AFF3: variants seen among roughly 807,000 people sequenced by gnomAD.
AFF3 encodes ALF transcription elongation factor 3, also known as AF4/FMR2 family member 3.
In AFF3, 32 loss-of-function variants were observed where a neutral mutation model predicts 129.7. The observed-to-expected ratio is 0.25, with a 90% CI of 0.19 to 0.33. AFF3 has a LOEUF of 0.33. Ranked by LOEUF, AFF3 falls within the 10% of genes least tolerant of loss-of-function variation. AFF3 has a pLI of 1.00. For missense variants in AFF3, 1,373 were observed against 1,592.0 expected (o/e 0.86, Z 2.34); for synonymous variants, 644 against 635.4 (o/e 1.01, Z -0.20).
chr2:99,858,975 ACC>A (rs1690759624), intron 7 of AFF3, among the ~76,000 whole-genome samples: 4 of 152,216 alleles, frequency 2.6e-5, no homozygotes, highest in Non-Finnish European at 5.9e-5. Context: ...GTAATAGCTG[ACC>A]GATACACCTG....
At chr2:99,740,058 C>T (rs1383622697) in intron 10 of AFF3, among the ~76,000 whole-genome samples, 25 of 148,294 alleles carry the variant, frequency 1.7e-4, no homozygotes, top group Admixed American at 1.4e-4. Flanking sequence ...TGAGAATATG[C>T]GGTGTTTGGT....
At chr2:99,930,410 C>T (rs923694033) in intron 7 of AFF3, among the ~76,000 whole-genome samples, 1 of 152,098 alleles carries the variant, frequency 6.6e-6, no homozygotes, top group African/African-American at 2.4e-5. Flanking sequence ...CAGACAGAAC[C>T]CTGACACCAG....
intron 7 of AFF3, among the ~76,000 whole-genome samples, chr2:99,896,387 C>G (rs1324441971): frequency 1.3e-5 from 2 of 152,098 alleles, no homozygotes; most frequent in Non-Finnish European, 2.9e-5. Flanking sequence ...GAAAGCCATC[C>G]TGACCCACTC....
chr2:100,071,797 C>G (rs1428867283), intron 4 of AFF3, among the ~76,000 whole-genome samples: 1 of 152,158 alleles, frequency 6.6e-6, no homozygotes, highest in African/African-American at 2.4e-5. Context: ...TGTTTCTCCT[C>G]CGTGAATCAA....
chr2:99,655,994 C>T (rs1043593666), intron 12 of AFF3, among the ~76,000 whole-genome samples: 1 of 152,114 alleles, frequency 6.6e-6, no homozygotes, highest in Admixed American at 6.5e-5. Context: ...AGGTTTCTGG[C>T]TTGGGCACCT....
At chr2:100,022,375 C>T (rs954721309) in intron 4 of AFF3, among the ~76,000 whole-genome samples, 3 of 152,112 alleles carry the variant, frequency 2.0e-5, no homozygotes, top group African/African-American at 7.2e-5. Context: ...TTCCTCTTAC[C>T]TTAAAATGTT....
At chr2:99,624,340 G>A (rs889198022) in intron 13 of AFF3, among the ~76,000 whole-genome samples, 3 of 152,138 alleles carry the variant, frequency 2.0e-5, no homozygotes, top group African/African-American at 7.2e-5. Context: ...ATAAGCTGGA[G>A]TCCCATGTAA....
chr2:99,987,701 C>G (rs530702242), intron 7 of AFF3, among the ~76,000 whole-genome samples: 1 of 152,326 alleles, frequency 6.6e-6, no homozygotes, highest in South Asian at 2.1e-4. Flanking sequence ...TACCTATCAT[C>G]TGCTACCCCA....
chr2:99,563,569 G>C (rs1342719018), intron 20 of AFF3, among the ~76,000 whole-genome samples: 1 of 151,296 alleles, frequency 6.6e-6, no homozygotes, highest in Non-Finnish European at 1.5e-5. Context: ...TCAGCACTTT[G>C]GGAGGCCGAA....
chr2:100,002,881 TG>T (rs1681559012), intron 7 of AFF3, among the ~76,000 whole-genome samples: 1 of 152,240 alleles, frequency 6.6e-6, no homozygotes, highest in Admixed American at 6.5e-5. Context: ...TGGCTCTGCA[TG>T]TTAGGTTTTT....
chr2:99,576,366 T>A (rs1322724042), intron 18 of AFF3, among the ~76,000 whole-genome samples: 5 of 145,404 alleles, frequency 3.4e-5, no homozygotes, highest in Non-Finnish European at 6.0e-5. Flanking sequence ...AAAAAAAAAA[T>A]TTAACTGGGT....
intron 7 of AFF3, among the ~76,000 whole-genome samples, chr2:99,923,879 T>C (rs1696039243): frequency 6.6e-6 from 1 of 151,982 alleles, no homozygotes; most frequent in African/African-American, 2.4e-5. Flanking sequence ...ATTATTACAA[T>C]TAAAATTAAA....
chr2:99,857,480 T>A (rs1444996465), intron 7 of AFF3, among the ~76,000 whole-genome samples: 1 of 152,244 alleles, frequency 6.6e-6, no homozygotes, highest in African/African-American at 2.4e-5. Context: ...TCACTGTATT[T>A]GCTTTACGTC....
chr2:99,966,839 T>C (rs903185230), intron 7 of AFF3, among the ~76,000 whole-genome samples: 2 of 151,914 alleles, frequency 1.3e-5, no homozygotes, highest in Non-Finnish European at 2.9e-5. Context: ...TTGATTCTGA[T>C]TTAAATAATT....
At chr2:100,038,258 G>A (rs185160212) in intron 4 of AFF3, among the ~76,000 whole-genome samples, 3 of 152,028 alleles carry the variant, frequency 2.0e-5, no homozygotes, top group East Asian at 1.9e-4. Context: ...TAAAGTCGCT[G>A]TCTGGTCTTA....
At chr2:99,830,436 C>G (rs1266250122) in intron 8 of AFF3, among the ~76,000 whole-genome samples, 4 of 152,188 alleles carry the variant, frequency 2.6e-5, no homozygotes, top group African/African-American at 7.2e-5. Context: ...GTAAGGAGCA[C>G]CTCCTCCTGC....
chr2:99,898,424 G>T (rs938410221), intron 7 of AFF3, among the ~76,000 whole-genome samples: 1 of 152,142 alleles, frequency 6.6e-6, no homozygotes, highest in Non-Finnish European at 1.5e-5. Context: ...TCCTTGCCCT[G>T]CTGCCAGGCT....
intron 7 of AFF3, chr2:100,006,092 T>C (rs527293502): frequency 6.6e-6 from 1 of 152,538 alleles, no homozygotes; most frequent in Non-Finnish European, 1.5e-5. Flanking sequence ...ATTTGAATAG[T>C]TCACCATATT....
At chr2:100,063,556 AG>A (rs1342778788) in intron 4 of AFF3, among the ~76,000 whole-genome samples, 38 of 152,288 alleles carry the variant, frequency 2.5e-4, no homozygotes, top group Middle Eastern at 3.4e-3. Context: ...GTGAATTGGA[AG>A]GAAGAAATGA....
Sources: allele counts gnomAD v4.1 joint callset (sites outside exome capture counted in the v4.1 genomes callset), GRCh38; gene constraint gnomAD v4.1.1; transcripts MANE v1.5; gene names NCBI Gene and HGNC (gene_info 2026-07-23, HGNC 2026-07-21).